Variants in DOCK7 observed in about 807,000 individuals in gnomAD.
The protein encoded by DOCK7 is dedicator of cytokinesis 7.
Under a neutral mutation model 271.0 loss-of-function variants are expected in DOCK7, and 138 were observed. The ratio of observed to expected loss-of-function variants is 0.51; its 90% CI spans 0.44 to 0.59. DOCK7 has a LOEUF of 0.59. Ranked by LOEUF, DOCK7 falls within the 20% of genes least tolerant of loss-of-function variation. The probability of loss-of-function intolerance (pLI) is 0.00; values close to 1 mark genes in which losing one functional copy is unlikely to be tolerated. For missense variants in DOCK7, 2,066 were observed against 2,592.4 expected, an observed-to-expected ratio of 0.80 and a Z score of 4.41; for synonymous variants, 823 against 876.1, an observed-to-expected ratio of 0.94 and a Z score of 1.07.
At position 62,577,305 on chromosome 1, in the gene DOCK7, G is replaced by C; in HGVS notation, c.2069C>G (p.Ser690Ter). 1 of 1,591,714 alleles carries C rather than the reference G, an allele frequency of 6.3e-7. No homozygotes were observed. Among genetic ancestry groups the C allele is most frequent in the Non-Finnish European group, 8.6e-7 (1 of 1,166,640 alleles). ...ATAAGCCTGTGGTGGTTTTTCCAAT[G>C]AGACTGGCAAGCAAAACTGGCCAGT... ...LKTGQFCLPV[S>*]LEKPPQAYSV... is the part of the protein sequence containing the mutation. Residue 690 changes from serine to a stop codon, truncating the protein, a stop_gained, in exon 18 of 50, where the codon TCA becomes TGA. Transcript: ENST00000635253. LOFTEE classifies it high-confidence loss of function.
At chr1:62,562,012 A>G (rs984305711) in intron 18 of DOCK7, among the ~76,000 whole-genome samples, 1 of 151,690 alleles carries the variant, frequency 6.6e-6, no homozygotes, top group African/African-American at 2.4e-5. Context: ...ATATATATGT[A>G]CATATATTTT....
In DOCK7 at chr1:62,475,642, AGTT is replaced by A. The variant is rs888750320; in HGVS notation, c.5961+62_5961+64del. 5.7e-6 allele frequency: 8 copies of A among 1,409,674 alleles called. No homozygotes were observed. In the East Asian group the frequency reaches 1.4e-4, roughly 24 times the overall value. 87.3% of individuals were successfully genotyped at this position (1,409,674 alleles called of 1,614,324 possible). On this transcript the variant is annotated intron_variant, in intron 46 of 49. Transcript: ENST00000635253. ...TGGTACATATCTTCTGGTACATCTG[AGTT>A]GTTGTTACATGGCTTGAATGTATTT...
chr1:62,636,432 G>C (rs1655280830), intron 8 of DOCK7, 105 bp downstream of exon 8: 1 of 804,816 alleles, frequency 1.2e-6, no homozygotes, highest in Non-Finnish European at 1.9e-6. Context: ...TTTTTAAAAA[G>C]ATCTATGTTT....
At chr1:62,614,669 T>C (rs984605579) in intron 14 of DOCK7, among the ~76,000 whole-genome samples, 16 of 151,996 alleles carry the variant, frequency 1.1e-4, no homozygotes, top group African/African-American at 3.9e-4. Flanking sequence ...TGCATTACTT[T>C]GTGACATGCA....
intron 14 of DOCK7, among the ~76,000 whole-genome samples, chr1:62,610,377 A>G (rs1279327448): frequency 6.6e-6 from 1 of 152,096 alleles, no homozygotes; most frequent in African/African-American, 2.4e-5. Flanking sequence ...TGAAATTTAT[A>G]CTTCCTTAAA....
At position 62,663,504 on chromosome 1, in the gene DOCK7, G is replaced by A. The variant is rs577331377; in HGVS notation, c.39-374C>T. Among the ~76,000 whole-genome samples the A allele has an allele frequency of 7.5e-4, 114 of 152,034 alleles. 2 individuals are homozygous for A. The Middle Eastern group carries it at 0.01, about 14-fold the overall frequency. On this transcript the variant is annotated intron_variant, in intron 1 of 49. Transcript: ENST00000635253. ...ATACTTTAAAGTATACACTTAAAATGTATATTAAATTAAAATATATATACA... is the reference window on the plus strand; with the variant it reads ...ATACTTTAAAGTATACACTTAAAATATATATTAAATTAAAATATATATACA...
intron 4 of DOCK7, among the ~76,000 whole-genome samples, chr1:62,650,881 G>C (rs376265798): frequency 6.6e-6 from 1 of 152,234 alleles, no homozygotes; most frequent in South Asian, 2.1e-4. Context: ...GTGGAAGACA[G>C]TGTGGCAATT....
intron 4 of DOCK7, among the ~76,000 whole-genome samples, 154 bp from the exon 5 acceptor site, chr1:62,648,698 T>C (rs1399387504): frequency 1.3e-5 from 2 of 152,118 alleles, no homozygotes; most frequent in East Asian, 1.9e-4. Flanking sequence ...AGAAAATTTA[T>C]ATTCAATGTT....
Position 62,493,067 on chromosome 1 carries a change from T to C in DOCK7, c.5218-220A>G, listed in dbSNP as rs138505663. 2.5e-3 allele frequency among the ~76,000 whole-genome samples: 388 copies of C among 152,206 alleles called. 1 individual carries two copies. Among genetic ancestry groups the C allele is most frequent in the African/African-American group, 9.0e-3 (374 of 41,540 alleles). ...AGATAACTTTTCTCTTAATAAAAAG[T>C]TGTATGAAAGAAAATTAAGAAAAAT... On this transcript the variant is annotated intron_variant, in intron 40 of 49. Coordinates refer to ENST00000635253, the MANE Select transcript of DOCK7 (RefSeq NM_001367561.1).
At chr1:62,475,432 G>GA (rs965573242) in intron 46 of DOCK7, 81 bp from the exon 47 acceptor site, 10,045 of 1,205,094 alleles carry the variant, frequency 8.3e-3, no homozygotes, top group South Asian at 0.012. Flanking sequence ...ACTGAAATTA[G>GA]AAAAAAAAAA....
intron 23 of DOCK7, among the ~76,000 whole-genome samples, chr1:62,544,290 A>G (rs1194027571): frequency 6.6e-6 from 1 of 152,214 alleles, no homozygotes; most frequent in Non-Finnish European, 1.5e-5. Context: ...CAAAGCCAAC[A>G]CAGATGAGAA....
intron 41 of DOCK7, among the ~76,000 whole-genome samples, chr1:62,492,056 C>T (rs1254390431): frequency 3.3e-5 from 5 of 151,878 alleles, no homozygotes. Flanking sequence ...ACAAAAAATA[C>T]AACAATTAGC....
chr1:62,662,962 A>G (rs928390387), intron 2 of DOCK7, 63 bp downstream of exon 2: 4 of 1,338,008 alleles, frequency 3.0e-6, no homozygotes, highest in Non-Finnish European at 4.2e-6. Flanking sequence ...TCTTTCCACT[A>G]TTTTTTCATG....
intron 14 of DOCK7, among the ~76,000 whole-genome samples, chr1:62,588,220 C>A (rs1427170793): frequency 6.6e-6 from 1 of 152,092 alleles, no homozygotes; most frequent in African/African-American, 2.4e-5. Flanking sequence ...CTGATTGCTC[C>A]AACAAATGTC....
intron 36 of DOCK7, 144 bp from the exon 37 acceptor site, chr1:62,504,926 T>C (rs1274404572): frequency 3.9e-6 from 4 of 1,029,626 alleles, no homozygotes; most frequent in Non-Finnish European, 5.4e-6. Flanking sequence ...TGGTTAATAG[T>C]GTGAGACACA....
chr1:62,528,064 A>T, intron 31 of DOCK7, 87 bp downstream of exon 31: 1 of 1,352,798 alleles, frequency 7.4e-7, no homozygotes, highest in Non-Finnish European at 9.8e-7. Context: ...GCATCAGCTG[A>T]TACAATCATC....
intron 37 of DOCK7, among the ~76,000 whole-genome samples, chr1:62,503,278 T>TCAGTAGTAA (rs1163622021): frequency 2.0e-5 from 3 of 151,710 alleles, no homozygotes; most frequent in African/African-American, 7.3e-5. Context: ...AACTCAATAT[T>TCAGTAGTAA]CTGAAAACAG....
At chr1:62,585,802 C>T (rs1557758641) in intron 15 of DOCK7, among the ~76,000 whole-genome samples, 1 of 152,178 alleles carries the variant, frequency 6.6e-6, no homozygotes, top group Admixed American at 6.5e-5. Context: ...CTTTGAATCC[C>T]TATACCAATC....
At chr1:62,475,646 G>T (rs781609115) in intron 46 of DOCK7, 61 bp downstream of exon 46, 7 of 1,448,396 alleles carry the variant, frequency 4.8e-6, no homozygotes, top group Non-Finnish European at 6.8e-6. Flanking sequence ...CATCTGAGTT[G>T]TTGTTACATG....
Sources: allele counts gnomAD v4.1 joint callset (sites outside exome capture counted in the v4.1 genomes callset), GRCh38; gene constraint gnomAD v4.1.1; transcripts MANE v1.5; gene names NCBI Gene and HGNC (gene_info 2026-07-23, HGNC 2026-07-21).